The following ATP10A variants were observed in gnomAD, a reference collection of about 807,000 sequenced individuals.
ATP10A encodes ATPase phospholipid transporting 10A (putative).
A neutral mutation model predicts 147.8 loss-of-function variants in ATP10A; 111 were observed. The ratio of observed to expected loss-of-function variants is 0.75; its 90% CI spans 0.64 to 0.88. The LOEUF (loss-of-function observed/expected upper bound fraction) is 0.88, where lower values mean the gene tolerates loss of function less well. Ranked by LOEUF, ATP10A falls within the 40% of genes least tolerant of loss-of-function variation. The pLI, the probability that ATP10A is intolerant of heterozygous loss-of-function variation, is 0.00. For synonymous variants in ATP10A, 875 were observed against 841.6 expected (o/e 1.04, Z -0.69); for missense variants, 1,927 against 1,959.0 (o/e 0.98, Z 0.31).
downstream of ATP10A, among the ~76,000 whole-genome samples, chr15:25,676,058 C>T (rs975672225): frequency 6.6e-6 from 1 of 152,180 alleles, no homozygotes; most frequent in Non-Finnish European, 1.5e-5. Context: ...GTGCCCTCAC[C>T]CTGAGTGTGG....
At chr15:25,775,415 A>G (rs1211574969) in intron 2 of ATP10A, among the ~76,000 whole-genome samples, 1 of 152,242 alleles carries the variant, frequency 6.6e-6, no homozygotes, top group Non-Finnish European at 1.5e-5. Context: ...CAGGCCCCCC[A>G]GGGACTGGTC....
intron 2 of ATP10A, among the ~76,000 whole-genome samples, chr15:25,745,480 G>A (rs747663105): frequency 5.9e-5 from 9 of 152,100 alleles, no homozygotes; most frequent in Non-Finnish European, 1.2e-4. Flanking sequence ...CAAGCACTTC[G>A]GGAGGCCAAA....
At chr15:25,770,232 G>C (rs948143543) in intron 2 of ATP10A, among the ~76,000 whole-genome samples, 2 of 151,922 alleles carry the variant, frequency 1.3e-5, no homozygotes, top group African/African-American at 4.8e-5. Flanking sequence ...CCCCACCCAT[G>C]TTTTCAGCCA....
intron 1 of ATP10A, among the ~76,000 whole-genome samples, chr15:25,848,990 G>T (rs1381564724): frequency 6.6e-6 from 1 of 152,052 alleles, no homozygotes; most frequent in South Asian, 2.1e-4. Context: ...CACACCTACC[G>T]CTGTGGGAGG....
At chr15:25,697,313 A>T (rs902135650) in intron 13 of ATP10A, among the ~76,000 whole-genome samples, 13 of 152,118 alleles carry the variant, frequency 8.5e-5, no homozygotes, top group African/African-American at 3.1e-4. Context: ...TCACCTGCTT[A>T]AAAAAAATCC....
rs1021370945 is a variant in ATP10A at position 25,831,346 on chromosome 15, C to T, written c.449+31302G>A. Among the ~76,000 whole-genome samples, 4 of 152,224 alleles carry T rather than the reference C, an allele frequency of 2.6e-5. No individual in the cohort carries two copies. In the South Asian group the frequency reaches 6.2e-4, roughly 24 times the overall value. ...CTACCTCAGAAAAATGCTGGACTCA[C>T]CCATGTGGACAGTTAATCTCCTTGA... On this transcript the variant is annotated intron_variant, in intron 1 of 20. Transcript: ENST00000555815.
rs143463483 is a variant in ATP10A, at chr15:25,830,641, G to A, written c.449+32007C>T. Among the ~76,000 whole-genome samples the A allele has an allele frequency of 3.8e-3, 572 of 152,200 alleles. 3 individuals carry two copies. Among genetic ancestry groups the A allele is most frequent in the Non-Finnish European group, 7.0e-3 (473 of 68,000 alleles). ...ATCTCTTAACAGCCCAGTTCGCCAC[G>A]GCCCCCTTCCGTCTTCCCTCACTGT... On this transcript the variant is annotated intron_variant, in intron 1 of 20. Transcript: ENST00000555815.
At chr15:25,850,935 T>C (rs894261694) in intron 1 of ATP10A, among the ~76,000 whole-genome samples, 26 of 152,184 alleles carry the variant, frequency 1.7e-4, no homozygotes, top group Non-Finnish European at 2.5e-4. Flanking sequence ...CTGGGTTTCC[T>C]GCCATTTCGT....
intron 1 of ATP10A, among the ~76,000 whole-genome samples, chr15:25,801,297 A>G (rs1341039034): frequency 6.6e-6 from 1 of 152,070 alleles, no homozygotes; most frequent in East Asian, 1.9e-4. Flanking sequence ...CATGAGGTGG[A>G]CCAGCAGAGA....
At chr15:25,818,032 C>G (rs1891737990) in intron 1 of ATP10A, among the ~76,000 whole-genome samples, 1 of 151,986 alleles carries the variant, frequency 6.6e-6, no homozygotes, top group Non-Finnish European at 1.5e-5. Context: ...ATTGCTGTCA[C>G]TATACAATCC....
chr15:25,791,100 T>A (rs28627261), intron 1 of ATP10A, among the ~76,000 whole-genome samples: 4 of 149,408 alleles, frequency 2.7e-5, no homozygotes, highest in Admixed American at 6.6e-5. Context: ...TTTTTTTTTT[T>A]TCAAGACCCT....
intron 2 of ATP10A, among the ~76,000 whole-genome samples, chr15:25,780,618 C>A (rs540808230): frequency 6.6e-6 from 1 of 152,206 alleles, no homozygotes; most frequent in Non-Finnish European, 1.5e-5. Flanking sequence ...AACCCAAACA[C>A]CCTTGAGGAG....
chr15:25,790,150 C>A (rs1180362144), intron 1 of ATP10A, among the ~76,000 whole-genome samples: 1 of 152,146 alleles, frequency 6.6e-6, no homozygotes, highest in African/African-American at 2.4e-5. Context: ...ACATCTGCTC[C>A]TTCAGTGAGA....
At chr15:25,748,377 T>C (rs919484861) in intron 2 of ATP10A, among the ~76,000 whole-genome samples, 1 of 152,088 alleles carries the variant, frequency 6.6e-6, no homozygotes, top group African/African-American at 2.4e-5. Context: ...TGTCATTAGA[T>C]ACATTAACAC....
chr15:25,732,800 C>T (rs1474347894), intron 3 of ATP10A, among the ~76,000 whole-genome samples: 1 of 151,896 alleles, frequency 6.6e-6, no homozygotes, highest in Non-Finnish European at 1.5e-5. Context: ...CATGATCTGC[C>T]CGCCCCGGCC....
At position 25,781,148 on chromosome 15, in the gene ATP10A, T is replaced by G; in HGVS notation, c.525A>C (p.Glu175Asp). The change falls in exon 2 of 21, where the codon GAA (glutamate) becomes GAC (aspartate). Residue 175 changes from glutamate to aspartate, a missense_variant. Physicochemically the swap from Glu to Asp is conservative, Grantham distance 45. Transcript: ENST00000555815. The stretch of plus-strand genomic sequence containing the variant: ...GCAGCAGAATGTCCGCAGGGAAGAT[T>G]TCGTTGCAGCGAAGACGCACAAAGT... ...VGDFVRLRCN[E>D]IFPADILLLS... 6.2e-7 allele frequency: 1 copy of G among 1,614,130 alleles called. No homozygotes were observed. The highest frequency in any genetic ancestry group is 8.5e-7 in the Non-Finnish European group (1 of 1,180,016).
chr15:25,675,284 C>A (rs1463038106), downstream of ATP10A, among the ~76,000 whole-genome samples: 1 of 152,186 alleles, frequency 6.6e-6, no homozygotes. Context: ...CCATTCTAAG[C>A]GTCCTGTAAG....
In ATP10A at chr15:25,863,059, G is replaced by A; in HGVS notation, c.38C>T (p.Pro13Leu). The change falls in exon 1 of 21, where the codon CCT (proline) becomes CTT (leucine). Residue 13 changes from proline (P) to leucine (L), a missense_variant. Pro to Leu is a moderately conservative substitution (Grantham distance 98). Transcript: ENST00000555815. The part of the protein sequence containing the change: ...REPAGTEEPG[P>L]PGRRRRREGR... The stretch of plus-strand genomic sequence containing the variant: ...CTCTCGGCGCCTCCGCCGTCCCGGA[G>A]GCCCGGGCTCCTCGGTCCCCGCCGG... 2 of 1,246,234 alleles carry A rather than the reference G, an allele frequency of 1.6e-6. No homozygotes were observed. The highest frequency in any genetic ancestry group is 1.6e-5 in the African/African-American group (1 of 63,512). 77.2% of individuals were successfully genotyped at this position (1,246,234 alleles called of 1,614,324 possible).
chr15:25,863,539 GC>G (rs1241830725), upstream of ATP10A: 5 of 152,304 alleles, frequency 3.3e-5, no homozygotes, highest in Non-Finnish European at 7.3e-5. Context: ...CTGCAAACGC[GC>G]GCTGCCTGCA....
Sources: allele counts gnomAD v4.1 joint callset (sites outside exome capture counted in the v4.1 genomes callset), GRCh38; gene constraint gnomAD v4.1.1; transcripts MANE v1.5; gene names NCBI Gene and HGNC (gene_info 2026-07-23, HGNC 2026-07-21).